TJAP1: variants seen among roughly 807,000 people sequenced by gnomAD.
The protein encoded by TJAP1 is tight junction-associated protein 1.
Under a neutral mutation model 42.0 loss-of-function variants are expected in TJAP1, and 27 were observed. The observed-to-expected ratio is 0.64, with a 90% confidence interval of 0.47 to 0.89. The LOEUF (loss-of-function observed/expected upper bound fraction) is 0.89, where lower values mean the gene tolerates loss of function less well. Among genes scored for constraint, TJAP1 ranks in the 40% least tolerant of loss-of-function variants. The probability of loss-of-function intolerance (pLI) is 0.00; values close to 1 mark genes in which losing one functional copy is unlikely to be tolerated. For missense variants in TJAP1, 712 were observed against 726.9 expected, an observed-to-expected ratio of 0.98 and a Z score of 0.24; for synonymous variants, 257 against 288.4, an observed-to-expected ratio of 0.89 and a Z score of 1.10.
At position 43,491,024 on chromosome 6, in the gene TJAP1, G is replaced by A. The variant is rs747066158; in HGVS notation, c.-121-6857G>A. Among the ~76,000 whole-genome samples the A allele has an allele frequency of 8.5e-5, 13 of 152,160 alleles. No homozygotes were observed. Among genetic ancestry groups the A allele is most frequent in the South Asian group, 8.3e-4 (4 of 4,820 alleles). ...TAGATAGACTGTGGCTTCGGCTTCC[G>A]GAGGCAGTGTGGTGCTAGGGAGGCT... is the stretch of plus-strand genomic sequence containing the variant. On this transcript the variant is annotated intron_variant, in intron 2 of 10. Coordinates refer to ENST00000372449, the Ensembl canonical transcript of TJAP1. The surrounding 1 kb of genome is among the most constrained non-coding windows in gnomAD (Gnocchi z 4.6).
intron 2 of TJAP1, among the ~76,000 whole-genome samples, chr6:43,482,235 C>T (rs1236081322): frequency 1.3e-5 from 2 of 152,148 alleles, no homozygotes; most frequent in African/African-American, 4.8e-5. Flanking sequence ...TATGGAGTTG[C>T]AAGGTGAAGG....
intron 2 of TJAP1, among the ~76,000 whole-genome samples, chr6:43,482,982 C>T (rs781056454): frequency 2.6e-5 from 4 of 152,052 alleles, no homozygotes; most frequent in Non-Finnish European, 5.9e-5. Context: ...ATTAGTTGGG[C>T]GTGGTGGTGC....
rs1374169749 is a variant in TJAP1 at position 43,492,111 on chromosome 6, AGTGTTTGTCTGGAT to A, written c.-121-5766_-121-5753del. Among the ~76,000 whole-genome samples, 1 of 152,028 alleles carries A rather than the reference AGTGTTTGTCTGGAT, an allele frequency of 6.6e-6. No homozygotes were observed. Among genetic ancestry groups the A allele is most frequent in the African/African-American group, 2.4e-5 (1 of 41,376 alleles). Reference sequence around the variant, plus strand: ...GCTCTTTAGCCCCTTGTTCCTGTGAAGTGTTTGTCTGGATGTGAGGCCAGGTGGATAGACTTGGA... The same window carrying A: ...GCTCTTTAGCCCCTTGTTCCTGTGAAGTGAGGCCAGGTGGATAGACTTGGA... On this transcript the variant is annotated intron_variant, in intron 2 of 10. Coordinates refer to ENST00000372449, the Ensembl canonical transcript of TJAP1. The surrounding 1 kb of genome is among the most constrained non-coding windows in gnomAD (Gnocchi z 4.2).
At chr6:43,502,663 C>A (rs1297539340) in intron 8 of TJAP1, 46 bp downstream of exon 8, 1 of 1,548,680 alleles carries the variant, frequency 6.5e-7, no homozygotes, top group East Asian at 2.4e-5. Context: ...TGGCCTTCTC[C>A]TCAGCTGAGA....
At chr6:43,501,053 T>C (rs1232105954) in intron 5 of TJAP1, 7 of 498,338 alleles carry the variant, frequency 1.4e-5, no homozygotes, top group Non-Finnish European at 7.2e-6. Flanking sequence ...AGCTCCTGGC[T>C]CCTGTACCAG....
chr6:43,504,860 G>A (rs1309198754), exon 11 of TJAP1: 2 of 1,614,190 alleles, frequency 1.2e-6, no homozygotes, highest in East Asian at 2.2e-5. Flanking sequence ...AGGGGCTGTG[G>A]TGCCTACCTC....
rs778432656 is a variant in TJAP1, at chr6:43,505,153, A to G, written c.972A>G (p.Pro324=). 10 of 1,613,900 alleles carry G rather than the reference A, an allele frequency of 6.2e-6. No individual in the cohort carries two copies. The Admixed American group carries it at 6.7e-5, about 11-fold the overall frequency. The change falls in exon 11 of 11, where the codon CCA becomes CCG. Residue 324 remains proline (P), a synonymous_variant. Transcript: ENST00000372449. This position sits in a 1 kb window ranked among gnomAD's most constrained non-coding sequence, Gnocchi z 5.5. ...ACCCAACCCCGTCTCCACCACACCC[A>G]CTGTATCCTGGCCGCAGGGTAATAG...
chr6:43,479,674 C>T (rs571875742), intron 2 of TJAP1, among the ~76,000 whole-genome samples: 4 of 151,412 alleles, frequency 2.6e-5, no homozygotes, highest in Non-Finnish European at 5.9e-5. Context: ...CTCCAAGAAA[C>T]AACAAAAAAA....
Position 43,495,263 on chromosome 6 carries a change from T to C in TJAP1, c.-121-2618T>C, listed in dbSNP as rs1788852176. 1.3e-5 allele frequency among the ~76,000 whole-genome samples: 2 copies of C among 152,234 alleles called. No individual in the cohort carries two copies. Among genetic ancestry groups the C allele is most frequent in the African/African-American group, 4.8e-5 (2 of 41,470 alleles). On this transcript the variant is annotated intron_variant, in intron 2 of 10. Coordinates refer to ENST00000372449, the Ensembl canonical transcript of TJAP1. The surrounding 1 kb of genome is among the most constrained non-coding windows in gnomAD (Gnocchi z 4.6). ...TCTCTCTTTGTTATCCACTGCACCA[T>C]GCATCACTGTCCTCCTTGGGTCTGT...
chr6:43,498,945 C>G, intron 3 of TJAP1, 33 bp from the exon 4 acceptor site: 2 of 1,602,880 alleles, frequency 1.2e-6, no homozygotes, highest in Non-Finnish European at 1.7e-6. Context: ...CTGGCCACAT[C>G]TCTGAGCCTG....
chr6:43,502,204 T>A, intron 6 of TJAP1, 79 bp from the exon 7 acceptor site: 2 of 1,443,216 alleles, frequency 1.4e-6, no homozygotes, highest in Non-Finnish European at 9.7e-7. Context: ...ATGTTCAAGA[T>A]CCCCTATCGG....
chr6:43,486,666 T>A (rs1045672411), intron 2 of TJAP1, among the ~76,000 whole-genome samples: 9 of 150,808 alleles, frequency 6.0e-5, no homozygotes, highest in Admixed American at 2.6e-4. Context: ...CCAGTAGCTA[T>A]TTTTTTTTGC....
chr6:43,503,704 G>C (rs769298918), exon 10 of TJAP1: 1 of 1,613,906 alleles, frequency 6.2e-7, no homozygotes, highest in East Asian at 2.2e-5. Flanking sequence ...CAAGTTTGCC[G>C]ATGTGAGTAG....
chr6:43,501,709 C>CAG (rs749485216), intron 6 of TJAP1, 22 bp downstream of exon 6: 63 of 29,384 alleles, frequency 2.1e-3, no homozygotes, highest in African/African-American at 6.5e-3. Flanking sequence ...AGGGGCCAGA[C>CAG]ACACACACAC....
At chr6:43,501,419 G>A in intron 5 of TJAP1, 107 bp from the exon 6 acceptor site, 1 of 979,248 alleles carries the variant, frequency 1.0e-6, no homozygotes, top group Non-Finnish European at 1.6e-6. Flanking sequence ...TGTCCTGTTT[G>A]CCTGTCCTCA....
Position 43,503,391 on chromosome 6 carries a change from T to C in TJAP1, c.388-10T>C. 1.9e-6 allele frequency: 3 copies of C among 1,610,238 alleles called. No homozygotes were observed. The highest frequency in any genetic ancestry group is 2.5e-6 in the Non-Finnish European group (3 of 1,177,298). On this transcript the variant is annotated splice_polypyrimidine_tract_variant and intron_variant, in intron 8 of 10. Coordinates refer to ENST00000372449, the Ensembl canonical transcript of TJAP1. ...GTGTGGGCTGGGTTAACCTCAAGTCTGTGCTTCAGATCAAGAAGGCTGAGA... is the reference window on the plus strand; with the variant it reads ...GTGTGGGCTGGGTTAACCTCAAGTCCGTGCTTCAGATCAAGAAGGCTGAGA...
At chr6:43,485,307 C>T (rs1004935068) in intron 2 of TJAP1, among the ~76,000 whole-genome samples, 1 of 152,184 alleles carries the variant, frequency 6.6e-6, no homozygotes, top group Non-Finnish European at 1.5e-5. Context: ...TCTTCCTGTG[C>T]CACAGAACAG....
chr6:43,500,863 G>A, intron 5 of TJAP1, 91 bp downstream of exon 5: 2 of 1,480,042 alleles, frequency 1.4e-6, no homozygotes, highest in Non-Finnish European at 1.9e-6. Flanking sequence ...ACTTTCCCTT[G>A]GATTAGGTAG....
At position 43,505,748 on chromosome 6, in the gene TJAP1, C is replaced by G. The variant is rs1211829490; in HGVS notation, c.1567C>G (p.Pro523Ala). 6.5e-7 allele frequency: 1 copy of G among 1,527,694 alleles called. No individual in the cohort carries two copies. The highest frequency in any genetic ancestry group is 1.4e-5 in the African/African-American group (1 of 71,884). 94.6% of individuals were successfully genotyped at this position (1,527,694 alleles called of 1,614,324 possible). A position where few individuals can be genotyped will look rare whatever the true frequency, so the allele number is the denominator to read the frequency against. ...CACCGAGGGCAGGGCCTGGCCACTCCCCAGCTCCAGTCGCCCCCAGCGCAG... is the reference window on the plus strand; with the variant it reads ...CACCGAGGGCAGGGCCTGGCCACTCGCCAGCTCCAGTCGCCCCCAGCGCAG... Residue 523 changes from proline to alanine, a missense_variant, in exon 11 of 11, where the codon CCC becomes GCC. Coordinates refer to ENST00000372449, the Ensembl canonical transcript of TJAP1. This position sits in a 1 kb window ranked among gnomAD's most constrained non-coding sequence, Gnocchi z 5.5.
Sources: allele counts gnomAD v4.1 joint callset (sites outside exome capture counted in the v4.1 genomes callset), GRCh38; gene constraint gnomAD v4.1.1; non-coding constraint Gnocchi (gnomAD v3.1); transcripts MANE v1.5; gene names NCBI Gene and HGNC (gene_info 2026-07-23, HGNC 2026-07-21).